PBX3: variants seen among roughly 807,000 people sequenced by gnomAD.
PBX3 encodes pre-B-cell leukemia transcription factor 3.
PBX3 carries 14 observed loss-of-function variants against 48.5 expected under a neutral mutation model. That is an observed-to-expected ratio of 0.29 (90% CI 0.19 to 0.45). The LOEUF is 0.45. Ranked by LOEUF, PBX3 falls within the 20% of genes least tolerant of loss-of-function variation. The pLI is 1.00. For synonymous variants in PBX3, 210 were observed against 200.3 expected, an observed-to-expected ratio of 1.05 and a Z score of -0.41; for missense variants, 386 against 546.7, an observed-to-expected ratio of 0.71 and a Z score of 2.93.
At chr9:125,813,705 C>G (rs905860418) in intron 2 of PBX3, among the ~76,000 whole-genome samples, 1 of 152,166 alleles carries the variant, frequency 6.6e-6, no homozygotes, top group East Asian at 1.9e-4. Flanking sequence ...CTTGTCTTTG[C>G]CTTGTCCTAG....
chr9:125,753,888 G>T (rs1255631789), intron 2 of PBX3, among the ~76,000 whole-genome samples: 1 of 151,872 alleles, frequency 6.6e-6, no homozygotes, highest in Non-Finnish European at 1.5e-5. Flanking sequence ...TATAAATTTT[G>T]TAAAAGGTTA....
chr9:125,906,771 C>A (rs938025298), intron 2 of PBX3, among the ~76,000 whole-genome samples: 1 of 151,914 alleles, frequency 6.6e-6, no homozygotes, highest in Non-Finnish European at 1.5e-5. Context: ...ATCATCATAT[C>A]TGTATGGTTT....
At chr9:125,857,703 A>G (rs1438024920) in intron 2 of PBX3, among the ~76,000 whole-genome samples, 3 of 152,218 alleles carry the variant, frequency 2.0e-5, no homozygotes, top group Non-Finnish European at 4.4e-5. Context: ...ATACATGAAA[A>G]TGTTTATTAT....
intron 5 of PBX3, among the ~76,000 whole-genome samples, chr9:125,942,489 A>T (rs1389878778): frequency 1.3e-5 from 2 of 152,214 alleles, no homozygotes; most frequent in East Asian, 1.9e-4. Flanking sequence ...TTTCCTTATT[A>T]AAAAAACTAT....
chr9:125,780,950 C>T, intron 2 of PBX3, among the ~76,000 whole-genome samples: 1 of 129,662 alleles, frequency 7.7e-6, no homozygotes, highest in African/African-American at 3.1e-5. Context: ...CTCCTCACCT[C>T]CCAGACGGGG....
intron 2 of PBX3, among the ~76,000 whole-genome samples, chr9:125,764,502 GT>G (rs983350469): frequency 2.0e-5 from 3 of 152,156 alleles, no homozygotes; most frequent in African/African-American, 7.2e-5. Flanking sequence ...CTAGTAGCTG[GT>G]TCATATTTTG....
At chr9:125,816,645 C>T (rs372216623) in intron 2 of PBX3, among the ~76,000 whole-genome samples, 162 of 152,244 alleles carry the variant, frequency 1.1e-3, no homozygotes, top group African/African-American at 3.9e-3. Context: ...GATTAGTGCT[C>T]GAATCTTCCA....
chr9:125,918,217 C>T (rs1841377246), intron 3 of PBX3, among the ~76,000 whole-genome samples: 1 of 152,212 alleles, frequency 6.6e-6, no homozygotes, highest in Non-Finnish European at 1.5e-5. Flanking sequence ...TGCCTCCTTA[C>T]TTTCTCCATA....
intron 1 of PBX3, among the ~76,000 whole-genome samples, chr9:125,747,981 G>C (rs1282015525): frequency 6.6e-6 from 1 of 151,752 alleles, no homozygotes; most frequent in Non-Finnish European, 1.5e-5. Context: ...CCGCGCCGCC[G>C]GGAAGTGTAA....
At chr9:125,890,302 A>C (rs928472315) in intron 2 of PBX3, among the ~76,000 whole-genome samples, 2 of 152,216 alleles carry the variant, frequency 1.3e-5, no homozygotes, top group African/African-American at 4.8e-5. Flanking sequence ...ATAAGTATGA[A>C]ACATCATCTG....
At position 125,966,114 on chromosome 9, in the gene PBX3, G is replaced by T; in HGVS notation, c.*191G>T. On this transcript the variant is annotated 3_prime_UTR_variant, in exon 9 of 9. Coordinates refer to ENST00000373489, the MANE Select transcript of PBX3 (RefSeq NM_006195.6). ...GTATTTATACTTAAAAACACACAAT[G>T]TTAAAAAAAATAAAGCACTTTATCC... The T allele has an allele frequency of 2.7e-6, 1 of 365,144 alleles. No individual in the cohort carries two copies. The highest frequency in any genetic ancestry group is 4.8e-6 in the Non-Finnish European group (1 of 208,714). The allele number at this position is 365,144 out of a possible 1,614,324, so 22.6% of individuals were successfully genotyped here. A position where few individuals can be genotyped will look rare whatever the true frequency, so the allele number is the denominator to read the frequency against.
intron 2 of PBX3, among the ~76,000 whole-genome samples, chr9:125,765,286 C>T (rs10986886): frequency 0.02 from 3,048 of 151,662 alleles, 173 homozygotes; most frequent in East Asian, 0.17. Context: ...ATAGTCAAGA[C>T]TACAGGCGCG....
At chr9:125,908,882 G>C (rs890457690) in intron 2 of PBX3, among the ~76,000 whole-genome samples, 2 of 151,864 alleles carry the variant, frequency 1.3e-5, no homozygotes, top group Non-Finnish European at 2.9e-5. Flanking sequence ...CCCACTACTT[G>C]TAATAATTTC....
intron 3 of PBX3, 78 bp from the exon 4 acceptor site, chr9:125,929,577 G>T (rs1588307192): frequency 1.0e-6 from 1 of 968,590 alleles, no homozygotes; most frequent in East Asian, 2.4e-5. Flanking sequence ...TGCAAATGAG[G>T]TGTAAATTCA....
At chr9:125,812,512 A>G (rs10986942) in intron 2 of PBX3, among the ~76,000 whole-genome samples, 3,035 of 152,320 alleles carry the variant, frequency 0.02, 167 homozygotes, top group East Asian at 0.17. Context: ...TTTAATTGAT[A>G]TCAGCATGCG....
chr9:125,771,470 A>C (rs1037408713), intron 2 of PBX3, among the ~76,000 whole-genome samples: 1 of 152,204 alleles, frequency 6.6e-6, no homozygotes, highest in Non-Finnish European at 1.5e-5. Flanking sequence ...TGGGTTGGTC[A>C]TGGTGAAAAT....
At chr9:125,946,694 A>G (rs557663479) in intron 5 of PBX3, among the ~76,000 whole-genome samples, 9 of 152,300 alleles carry the variant, frequency 5.9e-5, no homozygotes, top group African/African-American at 1.9e-4. Context: ...TAGGATAGAA[A>G]AATTGGGAGA....
chr9:125,965,625 T>G (rs180946382), intron 8 of PBX3, among the ~76,000 whole-genome samples: 6 of 152,366 alleles, frequency 3.9e-5, no homozygotes, highest in Admixed American at 1.3e-4. Flanking sequence ...GTTGATTTAT[T>G]GCCAAGACTT....
At chr9:125,840,612 A>C (rs1457917747) in intron 2 of PBX3, among the ~76,000 whole-genome samples, 1 of 151,804 alleles carries the variant, frequency 6.6e-6, no homozygotes, top group African/African-American at 2.4e-5. Context: ...TCCTTGGTAC[A>C]TTGACTGTAA....
Sources: allele counts gnomAD v4.1 joint callset (sites outside exome capture counted in the v4.1 genomes callset), GRCh38; gene constraint gnomAD v4.1.1; transcripts MANE v1.5; gene names NCBI Gene and HGNC (gene_info 2026-07-23, HGNC 2026-07-21).